HCN1: variants seen among roughly 807,000 people sequenced by gnomAD.
HCN1 encodes the protein potassium/sodium hyperpolarization-activated cyclic nucleotide-gated channel 1.
HCN1 carries 13 observed loss-of-function variants against 78.9 expected under a neutral mutation model. The ratio of observed to expected loss-of-function variants is 0.16; its 90% confidence interval spans 0.11 to 0.26. The LOEUF (loss-of-function observed/expected upper bound fraction) is 0.26. Ranked by LOEUF, HCN1 falls within the 10% of genes least tolerant of loss-of-function variation. The pLI, the probability that HCN1 is intolerant of heterozygous loss-of-function variation, is 1.00. For missense variants in HCN1, 810 were observed against 1,154.3 expected, an observed-to-expected ratio of 0.70 and a Z score of 4.32; for synonymous variants, 552 against 455.5, an observed-to-expected ratio of 1.21 and a Z score of -2.70.
At chr5:45,584,143 A>G (rs1210877106) in intron 2 of HCN1, among the ~76,000 whole-genome samples, 1 of 152,088 alleles carries the variant, frequency 6.6e-6, no homozygotes, top group Non-Finnish European at 1.5e-5. Flanking sequence ...AAAGTCTCCC[A>G]TTATTATTGT....
chr5:45,389,383 T>A (rs1321511738), intron 4 of HCN1, among the ~76,000 whole-genome samples: 1 of 152,128 alleles, frequency 6.6e-6, no homozygotes, highest in Non-Finnish European at 1.5e-5. Flanking sequence ...AATCTTAAAA[T>A]CTCTTATCTC....
intron 5 of HCN1, among the ~76,000 whole-genome samples, chr5:45,345,762 C>T (rs535497372): frequency 1.6e-4 from 25 of 152,294 alleles, no homozygotes; most frequent in African/African-American, 5.8e-4. Context: ...CAAACTTTCC[C>T]ACATTTTACT....
At chr5:45,462,840 T>C (rs980954655) in intron 2 of HCN1, among the ~76,000 whole-genome samples, 2 of 152,048 alleles carry the variant, frequency 1.3e-5, no homozygotes, top group African/African-American at 4.8e-5. Context: ...TTACAAGAAA[T>C]AGATTCAGAA....
chr5:45,310,163 A>C (rs1032417631), intron 5 of HCN1, among the ~76,000 whole-genome samples: 8 of 152,146 alleles, frequency 5.3e-5, no homozygotes, highest in African/African-American at 1.9e-4. Flanking sequence ...AAATTGACAA[A>C]CGGGAACTAA....
intron 1 of HCN1, among the ~76,000 whole-genome samples, chr5:45,694,098 A>G (rs1371241033): frequency 2.6e-5 from 4 of 152,330 alleles, no homozygotes; most frequent in Non-Finnish European, 2.9e-5. Flanking sequence ...AGGGTCATTT[A>G]TAAGTTTGCT....
intron 5 of HCN1, among the ~76,000 whole-genome samples, chr5:45,317,635 G>A (rs201881924): frequency 2.2e-3 from 315 of 143,412 alleles, no homozygotes; most frequent in African/African-American, 7.9e-3. Context: ...GCAACCTACA[G>A]AATGGGAGAA....
chr5:45,509,785 T>A (rs1742374987), intron 2 of HCN1, among the ~76,000 whole-genome samples: 1 of 152,120 alleles, frequency 6.6e-6, no homozygotes, highest in Admixed American at 6.6e-5. Flanking sequence ...CTAAAGAATA[T>A]CATTGAAATA....
chr5:45,363,934 C>T (rs1450919938), intron 4 of HCN1, among the ~76,000 whole-genome samples: 4 of 151,946 alleles, frequency 2.6e-5, no homozygotes, highest in African/African-American at 7.2e-5. Flanking sequence ...GGCTAATACA[C>T]GTGGTCTTAC....
intron 5 of HCN1, among the ~76,000 whole-genome samples, chr5:45,334,479 A>G (rs534593422): frequency 2.7e-4 from 41 of 151,870 alleles, no homozygotes; most frequent in African/African-American, 9.9e-4. Flanking sequence ...CTAATTAACT[A>G]TATGTGACTT....
chr5:45,471,584 A>C (rs1156537459), intron 2 of HCN1, among the ~76,000 whole-genome samples: 1 of 151,778 alleles, frequency 6.6e-6, no homozygotes, highest in Admixed American at 6.6e-5. Context: ...TTGATTCTTT[A>C]ATTGTTTTGG....
At chr5:45,307,302 C>A (rs1416325762) in intron 5 of HCN1, among the ~76,000 whole-genome samples, 1 of 152,032 alleles carries the variant, frequency 6.6e-6, no homozygotes, top group Non-Finnish European at 1.5e-5. Flanking sequence ...GCACTCCTGC[C>A]TCAAAAAGTT....
intron 3 of HCN1, among the ~76,000 whole-genome samples, chr5:45,427,244 T>C (rs1740370188): frequency 6.6e-6 from 1 of 151,844 alleles, no homozygotes; most frequent in Non-Finnish European, 1.5e-5. Context: ...AAGGGCTGAA[T>C]ACATCACAAT....
intron 2 of HCN1, among the ~76,000 whole-genome samples, chr5:45,579,819 C>T (rs1744020899): frequency 1.1e-4 from 16 of 152,036 alleles, no homozygotes; most frequent in Admixed American, 9.8e-4. Context: ...TCTTTTGTTT[C>T]TGTTTTTTAA....
rs948510557 is a variant in HCN1 at position 45,456,144 on chromosome 5, A to T, written c.1011+5702T>A. 1.6e-4 allele frequency among the ~76,000 whole-genome samples: 25 copies of T among 151,992 alleles called. 1 individual carries two copies. The highest frequency in any genetic ancestry group is 5.1e-4 in the African/African-American group (21 of 41,440). ...AATTAATATATCTATAGATATGTAG[A>T]GAATTAGAGGCTTATTAATTTTGAC... On this transcript the variant is annotated intron_variant, in intron 3 of 7. Transcript: ENST00000303230.
intron 2 of HCN1, among the ~76,000 whole-genome samples, chr5:45,610,871 A>G (rs1412068831): frequency 6.6e-6 from 1 of 152,042 alleles, no homozygotes; most frequent in Non-Finnish European, 1.5e-5. Context: ...AAATTCCTTA[A>G]GACTCTTTTT....
At chr5:45,531,268 G>A (rs942501458) in intron 2 of HCN1, among the ~76,000 whole-genome samples, 1 of 152,124 alleles carries the variant, frequency 6.6e-6, no homozygotes, top group African/African-American at 2.4e-5. Flanking sequence ...CTTCTTAAAT[G>A]TTTCTCTAAT....
intron 2 of HCN1, among the ~76,000 whole-genome samples, chr5:45,589,128 C>T (rs1386323837): frequency 6.6e-6 from 1 of 152,144 alleles, no homozygotes; most frequent in East Asian, 1.9e-4. Context: ...AAAGAAGATT[C>T]CCTCTCTAGT....
At chr5:45,488,318 CT>C (rs1741810765) in intron 2 of HCN1, among the ~76,000 whole-genome samples, 1 of 152,018 alleles carries the variant, frequency 6.6e-6, no homozygotes, top group Non-Finnish European at 1.5e-5. Flanking sequence ...AAAATATAAA[CT>C]TCAGAAGAAT....
At chr5:45,387,326 A>C (rs1276308271) in intron 4 of HCN1, among the ~76,000 whole-genome samples, 1 of 152,100 alleles carries the variant, frequency 6.6e-6, no homozygotes, top group Non-Finnish European at 1.5e-5. Flanking sequence ...GATACAAATA[A>C]TATAATTATG....
Sources: gnomAD v4.1 joint callset for allele counts (sites outside exome capture counted in the v4.1 genomes callset) on GRCh38, gnomAD v4.1.1 for gene constraint, MANE v1.5 for transcripts, NCBI Gene and HGNC (gene_info 2026-07-23, HGNC 2026-07-21) for gene names.